The following CTBP2 variants were observed in gnomAD, a reference collection of about 807,000 sequenced individuals.
The protein encoded by CTBP2 is C-terminal binding protein 2, also known as C-terminal-binding protein 2.
Under a neutral mutation model 80.3 loss-of-function variants are expected in CTBP2, and 30 were observed. The observed-to-expected ratio is 0.37, with a 90% CI of 0.28 to 0.51. CTBP2 has a LOEUF of 0.51. Among genes scored for constraint, CTBP2 ranks in the 20% least tolerant of loss-of-function variants. CTBP2 has a pLI of 0.93. For missense variants in CTBP2, 1,212 were observed against 1,375.3 expected (o/e 0.88, Z 1.88); for synonymous variants, 594 against 587.4 (o/e 1.01, Z -0.16).
At position 125,089,952 on chromosome 10, in the gene CTBP2, C is replaced by A. The variant is rs188500602; in HGVS notation, c.-102+21038G>T. The stretch of plus-strand genomic sequence containing the variant: ...CTTGGGAACACTTCCGACTAGGCTG[C>A]ACCCTTCGTGTTTGCTCCACTGGTG... On this transcript the variant is annotated intron_variant, in intron 2 of 10. Transcript: ENST00000337195. Among the ~76,000 whole-genome samples, 21 of 152,290 alleles carry A rather than the reference C, an allele frequency of 1.4e-4. No homozygotes were observed. In the East Asian group the frequency reaches 3.9e-3, roughly 28 times the overall value.
chr10:125,152,720 C>T (rs935339398), intron 1 of CTBP2, among the ~76,000 whole-genome samples: 1 of 152,086 alleles, frequency 6.6e-6, no homozygotes, highest in African/African-American at 2.4e-5. Context: ...ACTTCTATTC[C>T]GTAATCTGAA....
intron 2 of CTBP2, among the ~76,000 whole-genome samples, chr10:125,052,931 T>C (rs1963109600): frequency 6.6e-6 from 1 of 152,220 alleles, no homozygotes; most frequent in African/African-American, 2.4e-5. Context: ...GAAAAACTTT[T>C]CTGACTGTCA....
At chr10:125,057,457 C>T (rs1964170443) in intron 2 of CTBP2, among the ~76,000 whole-genome samples, 1 of 152,158 alleles carries the variant, frequency 6.6e-6, no homozygotes, top group African/African-American at 2.4e-5. Context: ...CCGTCTGGGC[C>T]CCTGACTGGC....
Position 125,086,613 on chromosome 10 carries a change from TAAAAAAAAA to T in CTBP2, c.-102+24368_-102+24376del, listed in dbSNP as rs66522424. On this transcript the variant is annotated intron_variant, in intron 2 of 10. Transcript: ENST00000337195. ...CTGGGCAATCGAGCAAAATTTTATT[TAAAAAAAAA>T]AAAAAAAAAAAAAAGGAAGATCTCA... 2.6e-3 allele frequency among the ~76,000 whole-genome samples: 300 copies of T among 116,428 alleles called. 3 individuals are homozygous for T. Among genetic ancestry groups the T allele is most frequent in the Middle Eastern group, 0.018 (4 of 220 alleles). 76.4% of individuals were successfully genotyped at this position (116,428 alleles called of 152,430 possible).
At chr10:125,117,110 G>A (rs547167754) in intron 1 of CTBP2, among the ~76,000 whole-genome samples, 18 of 152,338 alleles carry the variant, frequency 1.2e-4, no homozygotes, top group Admixed American at 2.0e-4. Context: ...GGCCACACCT[G>A]TGCTCTCCCA....
At chr10:125,082,562 A>G (rs1436356505) in intron 2 of CTBP2, among the ~76,000 whole-genome samples, 1 of 150,000 alleles carries the variant, frequency 6.7e-6, no homozygotes, top group Non-Finnish European at 1.5e-5. Flanking sequence ...TGCACACTGT[A>G]TCCATGATCA....
intron 1 of CTBP2, among the ~76,000 whole-genome samples, chr10:125,019,863 G>A (rs1217027672): frequency 6.6e-6 from 1 of 152,142 alleles, no homozygotes; most frequent in Non-Finnish European, 1.5e-5. Context: ...CCACAGAATG[G>A]GGGAGAACTA....
intron 2 of CTBP2, among the ~76,000 whole-genome samples, chr10:125,054,095 G>T (rs1410355728): frequency 6.6e-6 from 1 of 152,050 alleles, no homozygotes; most frequent in Non-Finnish European, 1.5e-5. Flanking sequence ...CTCCCCAGAG[G>T]CCCACTGAGA....
chr10:125,144,294 G>A (rs184065555), intron 1 of CTBP2, among the ~76,000 whole-genome samples: 130 of 152,270 alleles, frequency 8.5e-4, no homozygotes, highest in African/African-American at 3.0e-3. Flanking sequence ...ACCATTCTCT[G>A]GACGGCCTGG....
At chr10:125,134,968 C>G (rs973643268) in intron 1 of CTBP2, among the ~76,000 whole-genome samples, 2 of 151,630 alleles carry the variant, frequency 1.3e-5, no homozygotes, top group Non-Finnish European at 2.9e-5. Context: ...TTCATCCCAA[C>G]AGCCAACCCC....
intron 1 of CTBP2, among the ~76,000 whole-genome samples, chr10:125,149,976 C>T (rs1036522708): frequency 3.3e-5 from 5 of 152,224 alleles, no homozygotes; most frequent in African/African-American, 1.2e-4. Context: ...AGGGGAGCGA[C>T]CCAAAGGAAG....
intron 1 of CTBP2, among the ~76,000 whole-genome samples, chr10:125,131,170 A>G (rs924104294): frequency 2.0e-5 from 3 of 152,188 alleles, no homozygotes; most frequent in Admixed American, 6.5e-5. Context: ...CTGTCTGGGA[A>G]CGCCATGCTG....
chr10:125,068,485 A>C (rs1844978594), intron 2 of CTBP2, among the ~76,000 whole-genome samples: 2 of 152,254 alleles, frequency 1.3e-5, no homozygotes. Flanking sequence ...TTTACTGAGC[A>C]ATGAAACTGA....
chr10:125,031,510 A>AAAAAAAAAAAAATC (rs1184847340), upstream of CTBP2, among the ~76,000 whole-genome samples: 1 of 149,540 alleles, frequency 6.7e-6, no homozygotes, highest in South Asian at 2.1e-4. Context: ...AAAAAAAAAA[A>AAAAAAAAAAAAATC]AAAGTCTTTC....
upstream of CTBP2, among the ~76,000 whole-genome samples, chr10:125,028,946 C>T (rs145561964): frequency 1.1e-3 from 172 of 152,316 alleles, 1 homozygote; most frequent in African/African-American, 4.0e-3. Context: ...AGTATTAAGA[C>T]ATTTCCTTAA....
intron 5 of CTBP2, 45 bp from the exon 8 acceptor site, chr10:124,994,030 G>A (rs1211001201): frequency 1.2e-6 from 2 of 1,610,520 alleles, no homozygotes; most frequent in Non-Finnish European, 1.7e-6. Context: ...CTGGCATGGT[G>A]GAAGACTCTT....
intron 2 of CTBP2, among the ~76,000 whole-genome samples, chr10:125,056,164 CAAAAAT>C (rs199986958): frequency 7.2e-6 from 1 of 138,054 alleles, no homozygotes; most frequent in Non-Finnish European, 1.5e-5. Context: ...GATTGTGTCT[CAAAAAT>C]AAAAATAATA....
At chr10:125,118,466 G>A (rs1180631981) in intron 1 of CTBP2, among the ~76,000 whole-genome samples, 1 of 152,162 alleles carries the variant, frequency 6.6e-6, no homozygotes, top group East Asian at 1.9e-4. Context: ...TGAAAGGGGG[G>A]AAGAAAAGTG....
chr10:125,031,617 G>A (rs1157921068), upstream of CTBP2, among the ~76,000 whole-genome samples: 2 of 150,536 alleles, frequency 1.3e-5, no homozygotes, highest in African/African-American at 4.9e-5. Context: ...CACACCAAAT[G>A]CACTGGTTAC....
Sources: allele counts gnomAD v4.1 joint callset (sites outside exome capture counted in the v4.1 genomes callset), GRCh38; gene constraint gnomAD v4.1.1; transcripts MANE v1.5; gene names NCBI Gene and HGNC (gene_info 2026-07-23, HGNC 2026-07-21).